MARCHF5: variants seen among roughly 807,000 people sequenced by gnomAD.
MARCHF5 encodes E3 ubiquitin-protein ligase MARCHF5.
Under a neutral mutation model 36.5 loss-of-function variants are expected in MARCHF5, and 5 were observed. The ratio of observed to expected loss-of-function variants is 0.14; its 90% CI spans 0.07 to 0.29. The LOEUF (loss-of-function observed/expected upper bound fraction) is 0.29. Ranked by LOEUF, MARCHF5 falls within the 10% of genes least tolerant of loss-of-function variation. The pLI is 1.00. For missense variants in MARCHF5, 179 were observed against 336.3 expected, an observed-to-expected ratio of 0.53 and a Z score of 3.66; for synonymous variants, 103 against 109.9, an observed-to-expected ratio of 0.94 and a Z score of 0.39.
chr10:92,308,233 G>A (rs139576062), intron 1 of MARCHF5, among the ~76,000 whole-genome samples: 45 of 152,038 alleles, frequency 3.0e-4, no homozygotes, highest in African/African-American at 8.7e-4. Context: ...GAGCCACCGC[G>A]CCCAGCCTAT....
intron 2 of MARCHF5, among the ~76,000 whole-genome samples, chr10:92,319,724 G>C (rs1371571378): frequency 3.7e-5 from 5 of 134,788 alleles, no homozygotes; most frequent in Non-Finnish European, 8.0e-5. Flanking sequence ...GCGCAATCTC[G>C]GCTCACTGCA....
intron 1 of MARCHF5, among the ~76,000 whole-genome samples, chr10:92,296,264 G>T (rs1842948111): frequency 6.6e-6 from 1 of 152,080 alleles, no homozygotes; most frequent in Non-Finnish European, 1.5e-5. Flanking sequence ...TTAAGTTGTT[G>T]TGGGGAAACA....
chr10:92,313,745 T>G (rs1434616208), intron 2 of MARCHF5, among the ~76,000 whole-genome samples: 1 of 151,882 alleles, frequency 6.6e-6, no homozygotes, highest in East Asian at 1.9e-4. Flanking sequence ...AAAAAAAAAT[T>G]AGCTGGGCAT....
At chr10:92,294,744 G>A (rs1248555364) in intron 1 of MARCHF5, among the ~76,000 whole-genome samples, 1 of 152,164 alleles carries the variant, frequency 6.6e-6, no homozygotes, top group Non-Finnish European at 1.5e-5. Flanking sequence ...GTTAAGTTAC[G>A]TATTTTATTT....
intron 1 of MARCHF5, 113 bp from the exon 2 acceptor site, chr10:92,311,022 A>C: frequency 1.4e-6 from 1 of 718,058 alleles, no homozygotes; most frequent in Non-Finnish European, 2.3e-6. Flanking sequence ...AATATAGGAC[A>C]GAGATTCTGT....
intron 2 of MARCHF5, among the ~76,000 whole-genome samples, chr10:92,337,698 G>A (rs1295117936): frequency 2.0e-5 from 3 of 151,938 alleles, no homozygotes; most frequent in African/African-American, 7.2e-5. Flanking sequence ...TAAAGAGTAG[G>A]GAGAAATTAT....
chr10:92,302,438 CTTTTTTTTTCT>C lies in MARCHF5; in HGVS notation c.36-8687_36-8677del, dbSNP rs1431069225. ...TAAGCAACACGTAGTTTTCTTTTTT[CTTTTTTTTTCT>C]TTTTTTTTTTTTGAGACGGAGTTTT... is the stretch of plus-strand genomic sequence containing the variant. On this transcript the variant is annotated intron_variant, in intron 1 of 5. Coordinates refer to ENST00000358935, the MANE Select transcript of MARCHF5 (RefSeq NM_017824.5). Among the ~76,000 whole-genome samples, 474 of 61,034 alleles carry C rather than the reference CTTTTTTTTTCT, an allele frequency of 7.8e-3. 3 individuals are homozygous for C. Among genetic ancestry groups the C allele is most frequent in the Middle Eastern group, 0.037 (2 of 54 alleles). 40.0% of individuals were successfully genotyped at this position (61,034 alleles called of 152,430 possible). A position where few individuals can be genotyped will look rare whatever the true frequency, so the allele number is the denominator to read the frequency against.
chr10:92,340,652 C>T, intron 2 of MARCHF5, 21 bp from the exon 3 acceptor site: 2 of 1,579,404 alleles, frequency 1.3e-6, no homozygotes, highest in Non-Finnish European at 1.7e-6. Context: ...TGAACCTTTA[C>T]TTCTTTTCTG....
At position 92,323,230 on chromosome 10, in the gene MARCHF5, T is replaced by A. The variant is rs192274421; in HGVS notation, c.238+11893T>A. ...CCCCTCTTTCTGTTTCTGTTATTTT[T>A]AAATAGATTTTAGAGCCTTTTTAGG... is the stretch of plus-strand genomic sequence containing the variant. On this transcript the variant is annotated intron_variant, in intron 2 of 5. Transcript: ENST00000358935. Among the ~76,000 whole-genome samples the A allele has an allele frequency of 3.2e-4, 49 of 152,292 alleles. 1 individual carries two copies. In the East Asian group the frequency reaches 9.1e-3, roughly 28 times the overall value.
At chr10:92,347,707 T>C (rs1463051204) in intron 3 of MARCHF5, among the ~76,000 whole-genome samples, 1 of 152,166 alleles carries the variant, frequency 6.6e-6, no homozygotes, top group Non-Finnish European at 1.5e-5. Flanking sequence ...ACATGCAAGA[T>C]AGGAAGTTGT....
In MARCHF5 at chr10:92,341,339, G is replaced by A. The variant is rs58979163; in HGVS notation, c.369+536G>A. ...AATTGCTTGAACCCAGGAGCCGGAG[G>A]TTGCAGTGAGCCAAGATCACACCAC... On this transcript the variant is annotated intron_variant, in intron 3 of 5. Coordinates refer to ENST00000358935, the MANE Select transcript of MARCHF5 (RefSeq NM_017824.5). Among the ~76,000 whole-genome samples, 519 of 152,080 alleles carry A rather than the reference G, an allele frequency of 3.4e-3. 4 individuals are homozygous for A. The highest frequency in any genetic ancestry group is 0.012 in the African/African-American group (485 of 41,464).
chr10:92,343,512 A>G (rs1339136263), intron 3 of MARCHF5, among the ~76,000 whole-genome samples: 1 of 152,128 alleles, frequency 6.6e-6, no homozygotes, highest in Non-Finnish European at 1.5e-5. Flanking sequence ...ATTCCCTGTT[A>G]CAGCATCTAC....
chr10:92,303,671 A>T (rs1418504512), intron 1 of MARCHF5, among the ~76,000 whole-genome samples: 2 of 152,158 alleles, frequency 1.3e-5, no homozygotes, highest in Admixed American at 6.6e-5. Context: ...TGTTAGATTT[A>T]GGGCAATTTT....
chr10:92,295,703 T>TG (rs1261789501), intron 1 of MARCHF5, among the ~76,000 whole-genome samples: 1 of 152,068 alleles, frequency 6.6e-6, no homozygotes, highest in Non-Finnish European at 1.5e-5. Flanking sequence ...CCACCGTGCC[T>TG]GGCCTGTGGC....
chr10:92,301,120 C>G (rs1231986547), intron 1 of MARCHF5, among the ~76,000 whole-genome samples: 1 of 152,104 alleles, frequency 6.6e-6, no homozygotes, highest in East Asian at 1.9e-4. Flanking sequence ...CTCCTGGTCT[C>G]AAGCAGTCCT....
At position 92,340,770 on chromosome 10, in the gene MARCHF5, A is replaced by T; in HGVS notation, c.336A>T (p.Thr112=). The change falls in exon 3 of 6, where the codon ACA becomes ACT. Residue 112 remains threonine (T), a synonymous_variant. Coordinates refer to ENST00000358935, the MANE Select transcript of MARCHF5 (RefSeq NM_017824.5). Reference sequence around the variant, plus strand: ...TAATGGTCGGCTCTATCTATTGGACAGCTGTGACTTATGGAGCAGTGACAG... The same window carrying T: ...TAATGGTCGGCTCTATCTATTGGACTGCTGTGACTTATGGAGCAGTGACAG... ...AGIMVGSIYW[T]AVTYGAVTVM... is the part of the protein sequence containing the mutation. 6.2e-7 allele frequency: 1 copy of T among 1,613,488 alleles called. No individual in the cohort carries two copies. Among genetic ancestry groups the T allele is most frequent in the Non-Finnish European group, 8.5e-7 (1 of 1,179,754 alleles).
intron 3 of MARCHF5, among the ~76,000 whole-genome samples, chr10:92,345,779 G>A (rs1290089956): frequency 4.2e-5 from 6 of 142,004 alleles, no homozygotes; most frequent in South Asian, 4.4e-4. Context: ...CTGCATCCTC[G>A]AACTCCCTGG....
At chr10:92,305,417 A>G (rs1843064249) in intron 1 of MARCHF5, among the ~76,000 whole-genome samples, 1 of 152,142 alleles carries the variant, frequency 6.6e-6, no homozygotes, top group Non-Finnish European at 1.5e-5. Context: ...CAAAAAAAAA[A>G]AGAATATTTA....
chr10:92,314,256 A>G (rs1843180776), intron 2 of MARCHF5, among the ~76,000 whole-genome samples: 1 of 152,186 alleles, frequency 6.6e-6, no homozygotes, highest in African/African-American at 2.4e-5. Flanking sequence ...GATATGTTCA[A>G]GCTGGTCACT....
Sources: allele counts gnomAD v4.1 joint callset (sites outside exome capture counted in the v4.1 genomes callset), GRCh38; gene constraint gnomAD v4.1.1; transcripts MANE v1.5; gene names NCBI Gene and HGNC (gene_info 2026-07-23, HGNC 2026-07-21).